The following MPP2 variants were observed in gnomAD, a reference collection of about 807,000 sequenced individuals.
MPP2 encodes MAGUK p55 subfamily member 2.
Under a neutral mutation model 58.5 loss-of-function variants are expected in MPP2, and 42 were observed. That is an observed-to-expected ratio of 0.72 (90% CI 0.56 to 0.93). The LOEUF (loss-of-function observed/expected upper bound fraction) is 0.93, where lower values mean the gene tolerates loss of function less well. Ranked by LOEUF, MPP2 falls within the 40% of genes least tolerant of loss-of-function variation. MPP2 has a pLI of 0.00. For missense variants in MPP2, 632 were observed against 760.4 expected (o/e 0.83, Z 1.99); for synonymous variants, 300 against 307.8 (o/e 0.97, Z 0.26).
chr17:43,909,586 T>C, upstream of MPP2: 1 of 1,476,892 alleles, frequency 6.8e-7, no homozygotes, highest in Middle Eastern at 1.7e-4. Context: ...TTTAGGATCC[T>C]CAGGACAGTC....
Position 43,879,718 on chromosome 17 carries a change from TG to T in MPP2, c.1353+63del. On this transcript the variant is annotated intron_variant, in intron 11 of 12. Coordinates refer to ENST00000269095, the MANE Select transcript of MPP2 (RefSeq NM_005374.5). The surrounding 1 kb of genome is among the most constrained non-coding windows in gnomAD (Gnocchi z 4.1). ...CAGGTGACAGGTGTCTGGAACTATA[TG>T]GGGGAGCAATGAGGCAGCAGAGAGG... 1 of 1,567,398 alleles carries T rather than the reference TG, an allele frequency of 6.4e-7. No individual in the cohort carries two copies. Among genetic ancestry groups the T allele is most frequent in the Non-Finnish European group, 8.7e-7 (1 of 1,146,816 alleles).
At chr17:43,907,119 C>T in intron 1 of MPP2, 4 of 964,238 alleles carry the variant, frequency 4.1e-6, no homozygotes, top group Non-Finnish European at 4.9e-6. Flanking sequence ...GCTAACAGCA[C>T]GGTTCTTACG....
rs373923258 is a variant in MPP2, at chr17:43,877,875, C to T, written c.1591G>A (p.Glu531Lys). The change falls in exon 13 of 13, where the codon GAG (glutamate) becomes AAG (lysine). Residue 531 changes from glutamate (E) to lysine (K), a missense_variant. Glu to Lys is a moderately conservative substitution (Grantham distance 56). Coordinates refer to ENST00000269095, the MANE Select transcript of MPP2 (RefSeq NM_005374.5). ...VNSNLERTFR[E>K]LQTAMEKLRT... is the part of the protein sequence containing the mutation. Reference sequence around the variant, plus strand: ...AGCTTCTCCATGGCTGTCTGGAGCTCGCGGAAGGTCCTCTCCAGGTTGCTA... The same window carrying T: ...AGCTTCTCCATGGCTGTCTGGAGCTTGCGGAAGGTCCTCTCCAGGTTGCTA... 1.2e-5 allele frequency: 20 copies of T among 1,613,916 alleles called. No individual in the cohort carries two copies. The highest frequency in any genetic ancestry group is 1.2e-4 in the Admixed American group (7 of 59,998).
intron 3 of MPP2, among the ~76,000 whole-genome samples, chr17:43,897,960 G>A (rs1435955695): frequency 6.6e-6 from 1 of 152,222 alleles, no homozygotes; most frequent in Non-Finnish European, 1.5e-5. Flanking sequence ...CAGAAGGACA[G>A]GCAAGATGAA....
intron 2 of MPP2, among the ~76,000 whole-genome samples, chr17:43,902,895 A>G (rs184321513): frequency 6.6e-6 from 1 of 152,294 alleles, no homozygotes; most frequent in African/African-American, 2.4e-5. Context: ...GGAATCCATG[A>G]TCCCCTAGAG....
At chr17:43,907,259 C>A in intron 1 of MPP2, 1 of 985,570 alleles carries the variant, frequency 1.0e-6, no homozygotes, top group Non-Finnish European at 1.2e-6. Context: ...GGGGCGGGGA[C>A]CAGTGTCAAT....
At position 43,877,967 on chromosome 17, in the gene MPP2, C is replaced by T. The variant is rs761519494; in HGVS notation, c.1499G>A (p.Arg500Gln). Residue 500 changes from arginine (R) to glutamine (Q), a missense_variant, in exon 13 of 13, where the codon CGG becomes CAG. By Grantham distance (43) the Arg-to-Gln change is conservative. Transcript: ENST00000269095. ...TKQLTEADLRRTVEESSRIQR... is the reference protein window; with the variant it reads ...TKQLTEADLRQTVEESSRIQR... ...GATGCGGCTGCTCTCCTCCACTGTC[C>T]GTCTCAGGTCCGCCTCCTGCCCAGG... The T allele has an allele frequency of 1.4e-5, 23 of 1,613,166 alleles. No homozygotes were observed. The highest frequency in any genetic ancestry group is 1.2e-4 in the African/African-American group (9 of 74,886).
intron 1 of MPP2, 105 bp downstream of exon 1, chr17:43,907,369 T>G: frequency 2.0e-6 from 2 of 985,582 alleles, no homozygotes; most frequent in South Asian, 9.4e-5. Context: ...GAAAGGGGCC[T>G]GTGGAGTTTA....
intron 3 of MPP2, among the ~76,000 whole-genome samples, chr17:43,894,418 A>AATATATATATATATATATATAT (rs1382579250): frequency 8.4e-4 from 65 of 77,144 alleles, no homozygotes; most frequent in Non-Finnish European, 1.2e-3. Flanking sequence ...TCCATCTCAA[A>AATATATATATATATATATATAT]ATATATATAT....
At chr17:43,884,560 C>T (rs1290035172) in intron 3 of MPP2, among the ~76,000 whole-genome samples, 1 of 152,184 alleles carries the variant, frequency 6.6e-6, no homozygotes, top group African/African-American at 2.4e-5. Context: ...TTAGGATGCT[C>T]TACCACTAGA....
intron 3 of MPP2, among the ~76,000 whole-genome samples, chr17:43,889,487 C>A (rs1268143355): frequency 6.6e-6 from 1 of 151,488 alleles, no homozygotes; most frequent in African/African-American, 2.4e-5. Context: ...CTTAGCCTCT[C>A]GAGTAGCTGG....
intron 1 of MPP2, chr17:43,906,187 C>A (rs1463950508): frequency 2.7e-5 from 26 of 952,584 alleles, no homozygotes; most frequent in Non-Finnish European, 3.2e-5. Flanking sequence ...CAGGGAGGAT[C>A]CTGTATGAAA....
At chr17:43,894,071 G>A (rs231503) in intron 3 of MPP2, among the ~76,000 whole-genome samples, 121,897 of 149,660 alleles carry the variant, frequency 0.81, 50,376 homozygotes, top group East Asian at 1. Context: ...TCAGGAGTTC[G>A]AGACCAGCCT....
chr17:43,903,275 CAAAA>C (rs5820512), intron 2 of MPP2, among the ~76,000 whole-genome samples: 8 of 138,752 alleles, frequency 5.8e-5, no homozygotes, highest in Non-Finnish European at 7.7e-5. Context: ...GACTCCATCT[CAAAA>C]AAAAAAAAAA....
chr17:43,909,008 A>G (rs2048376588), upstream of MPP2, among the ~76,000 whole-genome samples: 1 of 152,186 alleles, frequency 6.6e-6, no homozygotes, highest in Non-Finnish European at 1.5e-5. Flanking sequence ...CTTGGAGCGC[A>G]TTGCTTGCAG....
chr17:43,879,723 G>C lies in MPP2; in HGVS notation c.1353+59C>G. The C allele has an allele frequency of 6.3e-7, 1 of 1,575,948 alleles. No individual in the cohort carries two copies. The highest frequency in any genetic ancestry group is 1.1e-5 in the South Asian group (1 of 89,744). On this transcript the variant is annotated intron_variant, in intron 11 of 12. Coordinates refer to ENST00000269095, the MANE Select transcript of MPP2 (RefSeq NM_005374.5). This position sits in a 1 kb window ranked among gnomAD's most constrained non-coding sequence, Gnocchi z 4.1. Reference sequence around the variant, plus strand: ...GACAGGTGTCTGGAACTATATGGGGGAGCAATGAGGCAGCAGAGAGGACAT... The same window carrying C: ...GACAGGTGTCTGGAACTATATGGGGCAGCAATGAGGCAGCAGAGAGGACAT...
At chr17:43,900,388 C>T in intron 2 of MPP2, 1 of 1,494,522 alleles carries the variant, frequency 6.7e-7, no homozygotes, top group Non-Finnish European at 9.0e-7. Flanking sequence ...CCAGGCCACC[C>T]TCCCCAGATG....
chr17:43,890,655 G>C (rs899816643), intron 3 of MPP2, among the ~76,000 whole-genome samples: 1 of 152,210 alleles, frequency 6.6e-6, no homozygotes, highest in African/African-American at 2.4e-5. Context: ...TTTAATCTGG[G>C]TTTGACAGAT....
intron 2 of MPP2, chr17:43,900,599 G>A (rs921328667): frequency 8.7e-6 from 13 of 1,496,542 alleles, no homozygotes; most frequent in Non-Finnish European, 8.0e-6. Context: ...ACACGCCGCC[G>A]TCTACCGCCT....
Sources: gnomAD v4.1 joint callset for allele counts (sites outside exome capture counted in the v4.1 genomes callset) on GRCh38, gnomAD v4.1.1 for gene constraint, Gnocchi (gnomAD v3.1) non-coding constraint, MANE v1.5 for transcripts, NCBI Gene and HGNC (gene_info 2026-07-23, HGNC 2026-07-21) for gene names.